CD86: variants seen among roughly 807,000 people sequenced by gnomAD.
CD86 encodes T-lymphocyte activation antigen CD86.
Under a neutral mutation model 32.1 loss-of-function variants are expected in CD86, and 11 were observed. That is an observed-to-expected ratio of 0.34 (90% confidence interval 0.22 to 0.57). The LOEUF is 0.57. Among genes scored for constraint, CD86 ranks in the 20% least tolerant of loss-of-function variants. The pLI, the probability that CD86 is intolerant of heterozygous loss-of-function variation, is 0.86. For missense variants in CD86, 359 were observed against 398.4 expected (o/e 0.90, Z 0.84); for synonymous variants, 137 against 135.3 (o/e 1.01, Z -0.09).
intron 1 of CD86, among the ~76,000 whole-genome samples, chr3:122,057,921 G>A (rs186115804): frequency 6.7e-4 from 102 of 152,320 alleles, no homozygotes; most frequent in Non-Finnish European, 1.2e-3. Context: ...CTAAGTGGCC[G>A]CACATTGAAG....
intron 2 of CD86, among the ~76,000 whole-genome samples, chr3:122,102,956 AT>A (rs1418626238): frequency 6.8e-6 from 1 of 146,020 alleles, no homozygotes; most frequent in African/African-American, 2.7e-5. Flanking sequence ...ACTCAACGTG[AT>A]TCCCCAACTA....
chr3:122,066,379 A>G (rs193039960), intron 1 of CD86, among the ~76,000 whole-genome samples: 57 of 152,264 alleles, frequency 3.7e-4, no homozygotes, highest in African/African-American at 1.2e-3. Context: ...ACTTACTCAA[A>G]AGGTGCCCAG....
chr3:122,080,561 G>T (rs565098091), intron 1 of CD86, among the ~76,000 whole-genome samples: 28 of 152,102 alleles, frequency 1.8e-4, no homozygotes, highest in Non-Finnish European at 3.2e-4. Flanking sequence ...CTAAATCTGC[G>T]AAGACATTTC....
At chr3:122,099,862 C>T (rs1055857306) in intron 2 of CD86, among the ~76,000 whole-genome samples, 9 of 152,182 alleles carry the variant, frequency 5.9e-5, no homozygotes, top group African/African-American at 2.2e-4. Flanking sequence ...AGAGCATTTC[C>T]ATTATCACTA....
intron 1 of CD86, among the ~76,000 whole-genome samples, chr3:122,090,603 C>T (rs1250856682): frequency 6.6e-6 from 1 of 152,146 alleles, no homozygotes; most frequent in Non-Finnish European, 1.5e-5. Flanking sequence ...ACCTGTTTCT[C>T]ATGTTGGTCA....
intron 5 of CD86, among the ~76,000 whole-genome samples, chr3:122,117,141 G>A (rs996363408): frequency 6.6e-6 from 1 of 152,124 alleles, no homozygotes; most frequent in Non-Finnish European, 1.5e-5. Context: ...TGATTTCTGA[G>A]ATTTTGATGC....
At chr3:122,094,637 C>G (rs935809274) in intron 2 of CD86, among the ~76,000 whole-genome samples, 9 of 152,148 alleles carry the variant, frequency 5.9e-5, no homozygotes, top group African/African-American at 1.9e-4. Context: ...TGCAATTGGC[C>G]CACATAATCC....
chr3:122,106,327 A>G lies in CD86; in HGVS notation c.530A>G (p.Asn177Ser). 1 of 1,614,160 alleles carries G rather than the reference A, an allele frequency of 6.2e-7. No individual in the cohort carries two copies. Among genetic ancestry groups the G allele is most frequent in the Non-Finnish European group, 8.5e-7 (1 of 1,179,998 alleles). Residue 177 changes from asparagine to serine, a missense_variant, in exon 4 of 7, where the codon AAT becomes AGT. Transcript: ENST00000330540. ...KKMSVLLRTK[N>S]STIEYDGVMQ... is the part of the protein sequence containing the mutation. ...ATGAGTGTTTTGCTAAGAACCAAGAATTCAACTATCGAGTATGATGGTGTT... is the reference window on the plus strand; with the variant it reads ...ATGAGTGTTTTGCTAAGAACCAAGAGTTCAACTATCGAGTATGATGGTGTT...
chr3:122,106,120 G>A (rs568634560), intron 3 of CD86, 78 bp from the exon 4 acceptor site: 2 of 1,132,166 alleles, frequency 1.8e-6, no homozygotes, highest in Non-Finnish European at 2.5e-6. Flanking sequence ...CCCAGATCAA[G>A]TACCCAGTTA....
chr3:122,064,865 A>C (rs2107501840), intron 1 of CD86, among the ~76,000 whole-genome samples: 1 of 152,274 alleles, frequency 6.6e-6, no homozygotes, highest in East Asian at 1.9e-4. Context: ...GGGGGCTGAA[A>C]CTATTTGACT....
At chr3:122,082,579 G>C (rs543496053) in intron 1 of CD86, among the ~76,000 whole-genome samples, 32 of 152,302 alleles carry the variant, frequency 2.1e-4, no homozygotes, top group Middle Eastern at 3.4e-3. Context: ...CCTACACTAG[G>C]ATTGGATGAA....
chr3:122,105,025 C>G (rs2073069547), intron 3 of CD86, among the ~76,000 whole-genome samples: 1 of 152,124 alleles, frequency 6.6e-6, no homozygotes, highest in Non-Finnish European at 1.5e-5. Context: ...TAGAGTAAAA[C>G]AGAAGCAAAA....
intron 1 of CD86, among the ~76,000 whole-genome samples, chr3:122,056,099 T>C (rs1479271379): frequency 2.0e-5 from 3 of 152,174 alleles, no homozygotes; most frequent in Non-Finnish European, 4.4e-5. Context: ...TTGAATTTTA[T>C]TCTTCACAAT....
chr3:122,077,926 GC>G, intron 1 of CD86: 1 of 985,516 alleles, frequency 1.0e-6, no homozygotes, highest in Non-Finnish European at 1.2e-6. Flanking sequence ...GGTACGGGGA[GC>G]TCGCAAATAC....
intron 1 of CD86, among the ~76,000 whole-genome samples, chr3:122,060,474 C>T (rs896250944): frequency 7.2e-5 from 11 of 152,086 alleles, no homozygotes; most frequent in African/African-American, 2.7e-4. Context: ...CAGAGTTCTT[C>T]CTTCCTCCAT....
intron 1 of CD86, among the ~76,000 whole-genome samples, chr3:122,080,678 T>C (rs1279439237): frequency 1.3e-5 from 2 of 152,232 alleles, no homozygotes; most frequent in East Asian, 1.9e-4. Context: ...AAAACAAGCA[T>C]TCGGTCAGAA....
intron 5 of CD86, among the ~76,000 whole-genome samples, chr3:122,112,280 C>T (rs992331361): frequency 1.3e-5 from 2 of 151,908 alleles, no homozygotes; most frequent in Non-Finnish European, 2.9e-5. Flanking sequence ...AGGTAAAGTG[C>T]CTTTTTCAAA....
chr3:122,080,443 G>A (rs754130295), intron 1 of CD86, among the ~76,000 whole-genome samples: 12 of 152,058 alleles, frequency 7.9e-5, no homozygotes, highest in Non-Finnish European at 1.3e-4. Flanking sequence ...AAATGCTATC[G>A]CCATGCTATG....
At chr3:122,083,518 T>G (rs914984955) in intron 1 of CD86, among the ~76,000 whole-genome samples, 2 of 152,222 alleles carry the variant, frequency 1.3e-5, no homozygotes, top group African/African-American at 4.8e-5. Context: ...TCTGTTTGCC[T>G]CTTGGTATGT....
Sources: allele counts gnomAD v4.1 joint callset (sites outside exome capture counted in the v4.1 genomes callset), GRCh38; gene constraint gnomAD v4.1.1; transcripts MANE v1.5; gene names NCBI Gene and HGNC (gene_info 2026-07-23, HGNC 2026-07-21).